CAND1: variants seen among roughly 807,000 people sequenced by gnomAD.
CAND1 encodes the protein cullin associated and neddylation dissociated 1.
CAND1 carries 7 observed loss-of-function variants against 108.5 expected under a neutral mutation model. The observed-to-expected ratio is 0.06, with a 90% confidence interval of 0.04 to 0.12. The LOEUF (loss-of-function observed/expected upper bound fraction) is 0.12, where lower values mean the gene tolerates loss of function less well. Among genes scored for constraint, CAND1 ranks in the 10% least tolerant of loss-of-function variants. CAND1 has a pLI of 1.00. For missense variants in CAND1, 941 were observed against 1,448.7 expected, an observed-to-expected ratio of 0.65 and a Z score of 5.69; for synonymous variants, 534 against 512.0, an observed-to-expected ratio of 1.04 and a Z score of -0.58.
intron 1 of CAND1, among the ~76,000 whole-genome samples, chr12:67,280,448 G>GT (rs1315873533): frequency 2.6e-5 from 4 of 152,188 alleles, no homozygotes; most frequent in Admixed American, 6.5e-5. Flanking sequence ...TCCAATAGTT[G>GT]TTTTTTTGTT....
At position 67,305,097 on chromosome 12, in the gene CAND1, T is replaced by A. The variant is rs754779171; in HGVS notation, c.1436-7T>A. On this transcript the variant is annotated splice_polypyrimidine_tract_variant and splice_region_variant and intron_variant, in intron 9 of 14. Coordinates refer to ENST00000545606, the MANE Select transcript of CAND1 (RefSeq NM_018448.5). This position sits in a 1 kb window ranked among gnomAD's most constrained non-coding sequence, Gnocchi z 4.4. ...AGCAATGATTGGATTTTTTGTTGGCTTTTTAGGAATCATTTTCTCACTGAA... is the reference window on the plus strand; with the variant it reads ...AGCAATGATTGGATTTTTTGTTGGCATTTTAGGAATCATTTTCTCACTGAA... 5.6e-6 allele frequency: 9 copies of A among 1,601,014 alleles called. No individual in the cohort carries two copies. Among genetic ancestry groups the A allele is most frequent in the Non-Finnish European group, 7.7e-6 (9 of 1,174,512 alleles).
intron 2 of CAND1, among the ~76,000 whole-genome samples, chr12:67,283,991 G>C (rs974304556): frequency 6.6e-6 from 1 of 151,936 alleles, no homozygotes; most frequent in Non-Finnish European, 1.5e-5. Flanking sequence ...TTGGAGGTTG[G>C]AAAATCCCAA....
At chr12:67,278,989 A>G (rs986012939) in intron 1 of CAND1, among the ~76,000 whole-genome samples, 3 of 152,216 alleles carry the variant, frequency 2.0e-5, no homozygotes, top group African/African-American at 7.2e-5. Flanking sequence ...CCCTTATATC[A>G]GCAAAAACTA....
In CAND1 at chr12:67,312,768, A is replaced by G. The variant is rs766147180; in HGVS notation, c.3631A>G (p.Ile1211Val). The G allele has an allele frequency of 7.4e-6, 12 of 1,613,672 alleles. No individual in the cohort carries two copies. The highest frequency in any genetic ancestry group is 4.0e-5 in the African/African-American group (3 of 74,932). Residue 1211 changes from isoleucine to valine, a missense_variant, in exon 15 of 15, where the codon ATC becomes GTC. By Grantham distance (29) the Ile-to-Val change is conservative (BLOSUM62 3). Coordinates refer to ENST00000545606, the MANE Select transcript of CAND1 (RefSeq NM_018448.5). ...QISSNPELAA[I>V]FESIQKDSSS... ...CAGTTCTAACCCTGAGCTGGCGGCT[A>G]TCTTTGAAAGTATCCAGAAAGATTC...
chr12:67,282,194 G>A, intron 2 of CAND1, 141 bp downstream of exon 2: 1 of 781,488 alleles, frequency 1.3e-6, no homozygotes, highest in Admixed American at 2.7e-5. Context: ...GGTGACTAAT[G>A]TTTAGTGTTT....
At position 67,297,609 on chromosome 12, in the gene CAND1, A is replaced by G; in HGVS notation, c.694A>G (p.Arg232Gly). The G allele has an allele frequency of 6.2e-7, 1 of 1,614,094 alleles. No homozygotes were observed. The highest frequency in any genetic ancestry group is 8.5e-7 in the Non-Finnish European group (1 of 1,179,952). Residue 232 changes from arginine (R) to glycine (G), a missense_variant, in exon 5 of 15, where the codon AGA (arginine) becomes GGA (glycine). Around this residue, in one of 9 missense-constraint regions of CAND1, gnomAD observed 697 missense variants for 942.0 expected, o/e 0.74. Coordinates refer to ENST00000545606, the MANE Select transcript of CAND1 (RefSeq NM_018448.5). ...LSKNDSMSTT[R>G]TYIQCIAAIS... ...CAAAAATGATTCTATGTCAACAACA[A>G]GAACCTACATACAATGTATTGCTGC...
Position 67,304,589 on chromosome 12 carries a change from T to A in CAND1, c.1294-16T>A. On this transcript the variant is annotated splice_polypyrimidine_tract_variant and intron_variant, in intron 8 of 14. Coordinates refer to ENST00000545606, the MANE Select transcript of CAND1 (RefSeq NM_018448.5). The stretch of plus-strand genomic sequence containing the variant: ...ACCAACAGCTGAACCAGCTAATGAC[T>A]ATATGATAATTGCAGGTTCCCAACA... 1 of 1,612,792 alleles carries A rather than the reference T, an allele frequency of 6.2e-7. No individual in the cohort carries two copies. Among genetic ancestry groups the A allele is most frequent in the Non-Finnish European group, 8.5e-7 (1 of 1,179,526 alleles).
Position 67,290,208 on chromosome 12 carries a change from A to G in CAND1, c.213-2414A>G, listed in dbSNP as rs540436871. Among the ~76,000 whole-genome samples the G allele has an allele frequency of 2.6e-5, 4 of 152,226 alleles. No individual in the cohort carries two copies. In the South Asian group the frequency reaches 8.3e-4, roughly 32 times the overall value. On this transcript the variant is annotated intron_variant, in intron 2 of 14. Transcript: ENST00000545606. ...TTTGAAATGCTTTTCTTTTCTCACT[A>G]TCTCATGAAAGCTCAGTACCAGCCT...
intron 1 of CAND1, among the ~76,000 whole-genome samples, chr12:67,273,074 CTTAATTACTAGGATAGTGCCTG>C (rs1191741461): frequency 6.6e-6 from 1 of 152,142 alleles, no homozygotes; most frequent in African/African-American, 2.4e-5. Flanking sequence ...ATTTGTGTGT[CTTAATTACTAGGATAGTGCCTG>C]TTACTTACTA....
chr12:67,317,052 T>A lies in CAND1; in HGVS notation c.*4222T>A, dbSNP rs1396558101. On this transcript the variant is annotated 3_prime_UTR_variant, in exon 15 of 15. Transcript: ENST00000545606. ...AATGGATGAGATGGCCCTAAAAGAA[T>A]AAGGATTACATATAATGAGAAGACG... is the stretch of plus-strand genomic sequence containing the variant. 1 of 152,122 alleles carries A rather than the reference T, an allele frequency of 6.6e-6. No homozygotes were observed. The highest frequency in any genetic ancestry group is 2.4e-5 in the African/African-American group (1 of 41,414). The allele number at this position is 152,122 out of a possible 1,614,324, so 9.4% of individuals were successfully genotyped here. A position where few individuals can be genotyped will look rare whatever the true frequency, so the allele number is the denominator to read the frequency against.
intron 8 of CAND1, among the ~76,000 whole-genome samples, chr12:67,304,289 A>G (rs1212554336): frequency 6.6e-6 from 1 of 152,130 alleles, no homozygotes. Flanking sequence ...TGCCCAGCCT[A>G]TTAATTTCTT....
chr12:67,288,960 C>T (rs918006726), intron 2 of CAND1, among the ~76,000 whole-genome samples: 1 of 152,122 alleles, frequency 6.6e-6, no homozygotes, highest in Non-Finnish European at 1.5e-5. Flanking sequence ...AGACATTTCT[C>T]TTTATCTCTG....
intron 7 of CAND1, among the ~76,000 whole-genome samples, chr12:67,301,960 T>C (rs1252970184): frequency 6.6e-6 from 1 of 152,198 alleles, no homozygotes; most frequent in African/African-American, 2.4e-5. Flanking sequence ...GTTCTTTGAA[T>C]TTTGTTTCAA....
At chr12:67,270,960 G>C (rs2044515769) in intron 1 of CAND1, among the ~76,000 whole-genome samples, 1 of 152,134 alleles carries the variant, frequency 6.6e-6, no homozygotes, top group Non-Finnish European at 1.5e-5. Flanking sequence ...TGTCCAAACC[G>C]TGTGGACTGG....
Position 67,318,413 on chromosome 12 carries a change from T to C in CAND1, c.*5583T>C, listed in dbSNP as rs2045029560. ...TATCTATAAAATGGGAATTAAAATA[T>C]TTGCACCTTATAGGGTTATTGTGAG... On this transcript the variant is annotated 3_prime_UTR_variant, in exon 15 of 15. Coordinates refer to ENST00000545606, the MANE Select transcript of CAND1 (RefSeq NM_018448.5). 6.6e-6 allele frequency: 1 copy of C among 152,228 alleles called. No individual in the cohort carries two copies. Among genetic ancestry groups the C allele is most frequent in the Non-Finnish European group, 1.5e-5 (1 of 68,040 alleles). 9.4% of individuals were successfully genotyped at this position (152,228 alleles called of 1,614,324 possible).
intron 2 of CAND1, among the ~76,000 whole-genome samples, chr12:67,282,936 A>G (rs1438846870): frequency 1.3e-5 from 2 of 152,196 alleles, no homozygotes; most frequent in Non-Finnish European, 1.5e-5. Context: ...TTAGTAGGGT[A>G]AAGAATTTGA....
chr12:67,292,352 C>G (rs1405376465), intron 2 of CAND1, among the ~76,000 whole-genome samples: 2 of 152,016 alleles, frequency 1.3e-5, no homozygotes, highest in African/African-American at 2.4e-5. Flanking sequence ...AACTAATTAG[C>G]TTTAGGGGTA....
chr12:67,271,605 A>G (rs1163130173), intron 1 of CAND1, among the ~76,000 whole-genome samples: 3 of 152,210 alleles, frequency 2.0e-5, no homozygotes, highest in Non-Finnish European at 4.4e-5. Flanking sequence ...TTTTTTTCTT[A>G]AATAAATTAC....
In CAND1 at chr12:67,306,098, C is replaced by G; in HGVS notation, c.2430C>G (p.Cys810Trp). ...AKCVAALTRA[C>W]PKEGPAVVGQ... ...GTGTAGCTGCCCTTACTCGAGCATG[C>G]CCTAAAGAGGGACCAGCTGTAGTAG... Residue 810 changes from cysteine to tryptophan, a missense_variant, in exon 10 of 15, where the codon TGC becomes TGG. Cys to Trp is a radical substitution (Grantham distance 215). This residue lies in a region of CAND1 where 697 missense variants were observed against 942.0 expected (regional missense o/e 0.74). Transcript: ENST00000545606. The G allele has an allele frequency of 6.2e-7, 1 of 1,614,122 alleles. No homozygotes were observed. Among genetic ancestry groups the G allele is most frequent in the Non-Finnish European group, 8.5e-7 (1 of 1,179,998 alleles).
Sources: gnomAD v4.1 joint callset for allele counts (sites outside exome capture counted in the v4.1 genomes callset) on GRCh38, gnomAD v4.1.1 for gene constraint, gnomAD v4.1.1 regional missense constraint, Gnocchi (gnomAD v3.1) non-coding constraint, MANE v1.5 for transcripts, NCBI Gene and HGNC (gene_info 2026-07-23, HGNC 2026-07-21) for gene names.